The following EYS variants were observed in gnomAD, a reference collection of about 807,000 sequenced individuals.
EYS encodes the protein protein eyes shut homolog.
A neutral mutation model predicts 282.1 loss-of-function variants in EYS; 250 were observed. That is an observed-to-expected ratio of 0.89 (90% CI 0.80 to 0.98). The LOEUF is 0.98. Ranked by LOEUF, EYS falls within the 50% of genes least tolerant of loss-of-function variation. The pLI is 0.00. For synonymous variants in EYS, 1,355 were observed against 1,282.9 expected (o/e 1.06, Z -1.20); for missense variants, 4,016 against 3,709.0 (o/e 1.08, Z -2.15).
At chr6:65,491,597 T>A (rs1766046137) in intron 4 of EYS, 1 of 422,496 alleles carries the variant, frequency 2.4e-6, no homozygotes, top group Non-Finnish European at 4.7e-6. Context: ...ACCCTAAATG[T>A]AATGAAAATA....
intron 36 of EYS, among the ~76,000 whole-genome samples, chr6:63,844,512 C>T (rs1261888396): frequency 6.6e-6 from 1 of 152,132 alleles, no homozygotes; most frequent in African/African-American, 2.4e-5. Context: ...ACCTCTCCAG[C>T]ATCTGTTGTT....
intron 2 of EYS, among the ~76,000 whole-genome samples, chr6:65,630,023 G>A (rs376687282): frequency 6.6e-6 from 1 of 152,170 alleles, no homozygotes; most frequent in Non-Finnish European, 1.5e-5. Context: ...TGGAGAACAA[G>A]GTACAGAACT....
At chr6:64,052,307 T>C (rs1770834266) in intron 33 of EYS, among the ~76,000 whole-genome samples, 1 of 152,122 alleles carries the variant, frequency 6.6e-6, no homozygotes, top group Non-Finnish European at 1.5e-5. Context: ...TTTGAGCAAC[T>C]CACATGTGGT....
chr6:64,720,180 C>A (rs1015476966), intron 22 of EYS, among the ~76,000 whole-genome samples: 4 of 152,176 alleles, frequency 2.6e-5, no homozygotes, highest in African/African-American at 9.7e-5. Flanking sequence ...AGGCTGCCAG[C>A]AGCTGTTAGC....
At chr6:64,930,690 C>T (rs1768690522) in intron 15 of EYS, among the ~76,000 whole-genome samples, 2 of 151,926 alleles carry the variant, frequency 1.3e-5, no homozygotes, top group African/African-American at 4.8e-5. Flanking sequence ...TTTAAATACT[C>T]ATAAAAGACA....
chr6:65,207,207 T>C (rs748630051), intron 12 of EYS, among the ~76,000 whole-genome samples: 45 of 151,674 alleles, frequency 3.0e-4, no homozygotes, highest in Non-Finnish European at 5.3e-4. Context: ...CAAAAGTCAG[T>C]AGCATTTCCA....
intron 34 of EYS, among the ~76,000 whole-genome samples, chr6:63,994,461 G>A (rs974029868): frequency 2.0e-5 from 3 of 151,866 alleles, no homozygotes; most frequent in Non-Finnish European, 4.4e-5. Context: ...ACTGAGAGAC[G>A]AGAGACCCTG....
intron 12 of EYS, among the ~76,000 whole-genome samples, chr6:65,256,238 A>T (rs1767457416): frequency 6.6e-6 from 1 of 151,818 alleles, no homozygotes; most frequent in African/African-American, 2.4e-5. Flanking sequence ...AAATGAAATA[A>T]GCCAGGAACA....
chr6:64,914,937 A>G (rs1768114244), intron 15 of EYS, among the ~76,000 whole-genome samples: 1 of 152,134 alleles, frequency 6.6e-6, no homozygotes, highest in South Asian at 2.1e-4. Context: ...TATAAAAAAT[A>G]TATACCTAAG....
At chr6:64,294,454 A>G (rs1768830469) in intron 30 of EYS, among the ~76,000 whole-genome samples, 1 of 152,232 alleles carries the variant, frequency 6.6e-6, no homozygotes, top group Admixed American at 6.5e-5. Flanking sequence ...TTAGCTTCTC[A>G]ATAACAGAAC....
chr6:65,558,285 G>A (rs1768896739), intron 2 of EYS, among the ~76,000 whole-genome samples: 1 of 152,236 alleles, frequency 6.6e-6, no homozygotes, highest in South Asian at 2.1e-4. Flanking sequence ...AGGGGGTCAA[G>A]GCGGCAGTAG....
intron 14 of EYS, among the ~76,000 whole-genome samples, chr6:64,986,550 A>T (rs1393322654): frequency 1.3e-5 from 2 of 150,954 alleles, no homozygotes; most frequent in African/African-American, 4.9e-5. Context: ...TGTTTCCCAG[A>T]TATCTACACA....
At chr6:64,734,812 C>A (rs1157832613) in intron 22 of EYS, among the ~76,000 whole-genome samples, 1 of 152,012 alleles carries the variant, frequency 6.6e-6, no homozygotes, top group African/African-American at 2.4e-5. Context: ...AAATCAAGAA[C>A]ACTATGATTT....
At chr6:64,747,405 G>C (rs1845696) in intron 22 of EYS, among the ~76,000 whole-genome samples, 133,953 of 152,174 alleles carry the variant, frequency 0.88, 59,063 homozygotes, top group African/African-American at 0.93. Context: ...GATGGAGTCT[G>C]ACTCTGTAGC....
intron 22 of EYS, among the ~76,000 whole-genome samples, chr6:64,635,401 G>C (rs1446608309): frequency 4.6e-5 from 7 of 152,058 alleles, no homozygotes; most frequent in African/African-American, 9.7e-5. Context: ...GTCTTGTGCC[G>C]GTTTTCAAAG....
At chr6:65,154,955 T>A (rs1327011389) in intron 12 of EYS, among the ~76,000 whole-genome samples, 2 of 151,478 alleles carry the variant, frequency 1.3e-5, no homozygotes, top group Non-Finnish European at 3.0e-5. Flanking sequence ...ACAGGAAAAA[T>A]TAAAATGCCA....
At chr6:64,879,114 A>C (rs1766839027) in intron 19 of EYS, among the ~76,000 whole-genome samples, 1 of 152,172 alleles carries the variant, frequency 6.6e-6, no homozygotes, top group African/African-American at 2.4e-5. Flanking sequence ...AGAACTATCT[A>C]ACTGGCCCTT....
chr6:65,320,845 A>AGGTT (rs1464613014), intron 11 of EYS, among the ~76,000 whole-genome samples: 3 of 152,126 alleles, frequency 2.0e-5, no homozygotes, highest in Non-Finnish European at 4.4e-5. Context: ...ATCCCCTCAA[A>AGGTT]GGTTGGCATG....
At chr6:65,389,338 C>A (rs1765920734) in intron 7 of EYS, among the ~76,000 whole-genome samples, 1 of 152,122 alleles carries the variant, frequency 6.6e-6, no homozygotes, top group Non-Finnish European at 1.5e-5. Flanking sequence ...TGGACTCATG[C>A]ATGGATAGGG....
Sources: allele counts gnomAD v4.1 joint callset (sites outside exome capture counted in the v4.1 genomes callset), GRCh38; gene constraint gnomAD v4.1.1; transcripts MANE v1.5; gene names NCBI Gene and HGNC (gene_info 2026-07-23, HGNC 2026-07-21).